SPICE1: variants seen among roughly 807,000 people sequenced by gnomAD.
SPICE1 encodes the protein spindle and centriole associated protein 1.
In SPICE1, 75 loss-of-function variants were observed where a neutral mutation model predicts 102.7. The observed-to-expected ratio is 0.73, with a 90% CI of 0.61 to 0.88. The LOEUF (loss-of-function observed/expected upper bound fraction) is 0.88, where lower values mean the gene tolerates loss of function less well. SPICE1 is among the 40% of genes least tolerant of loss of function. The probability of loss-of-function intolerance (pLI) is 0.00; values close to 1 mark genes in which losing one functional copy is unlikely to be tolerated. For synonymous variants in SPICE1, 308 were observed against 350.3 expected (o/e 0.88, Z 1.35); for missense variants, 979 against 1,020.1 (o/e 0.96, Z 0.55).
chr3:113,458,545 G>A (rs533337496), intron 12 of SPICE1, among the ~76,000 whole-genome samples: 16 of 152,292 alleles, frequency 1.1e-4, no homozygotes, highest in Non-Finnish European at 1.5e-4. Flanking sequence ...GTGCAGTGGC[G>A]TGATTTCGGC....
rs918503918 is a variant in SPICE1 at position 113,506,581 on chromosome 3, A to T, written c.25T>A (p.Cys9Ser). ...TTTCTTACACCAACTCGGGGACCAC[A>T]GCGGTTCACTCTGACAAATGACATC... MSFVRVNR[C>S]GPRVGVRKTP... is the part of the protein sequence containing the mutation. The change falls in exon 2 of 18, where the codon TGT becomes AGT. Residue 9 changes from cysteine (C) to serine (S), a missense_variant. Transcript: ENST00000295872. 4 of 1,613,416 alleles carry T rather than the reference A, an allele frequency of 2.5e-6. No homozygotes were observed. Among genetic ancestry groups the T allele is most frequent in the Non-Finnish European group, 3.4e-6 (4 of 1,179,812 alleles).
At chr3:113,459,029 T>C (rs1935858737) in intron 12 of SPICE1, among the ~76,000 whole-genome samples, 1 of 152,198 alleles carries the variant, frequency 6.6e-6, no homozygotes, top group Admixed American at 6.5e-5. Context: ...TGTGTCTGTG[T>C]AGAAAGAAGT....
intron 7 of SPICE1, among the ~76,000 whole-genome samples, chr3:113,480,833 C>A (rs550197432): frequency 1.3e-5 from 2 of 149,774 alleles, no homozygotes; most frequent in East Asian, 3.9e-4. Flanking sequence ...GCTGTGATCA[C>A]ACCACTGCAC....
chr3:113,467,490 C>G (rs1057348314), intron 10 of SPICE1, among the ~76,000 whole-genome samples: 9 of 152,152 alleles, frequency 5.9e-5, no homozygotes, highest in Non-Finnish European at 1.2e-4. Flanking sequence ...CAAGGTTTTA[C>G]CACGTTGAGG....
At chr3:113,513,063 T>C (rs766925754) in intron 1 of SPICE1, among the ~76,000 whole-genome samples, 4 of 152,140 alleles carry the variant, frequency 2.6e-5, no homozygotes, top group Non-Finnish European at 5.9e-5. Flanking sequence ...TATGAATGTA[T>C]GGACAAACAA....
intron 1 of SPICE1, among the ~76,000 whole-genome samples, chr3:113,513,724 T>C (rs951009777): frequency 6.6e-6 from 1 of 152,216 alleles, no homozygotes; most frequent in African/African-American, 2.4e-5. Context: ...CTCTTCTCCA[T>C]CTCTACTAAA....
intron 12 of SPICE1, chr3:113,459,763 T>A: frequency 4.0e-6 from 3 of 753,634 alleles, no homozygotes; most frequent in Non-Finnish European, 4.8e-6. Context: ...GCGCCTATAA[T>A]CCCAGCTACT....
intron 7 of SPICE1, among the ~76,000 whole-genome samples, chr3:113,483,226 G>C (rs1936555583): frequency 6.6e-6 from 1 of 152,136 alleles, no homozygotes; most frequent in Non-Finnish European, 1.5e-5. Flanking sequence ...TGGTGTATAA[G>C]AATGCTTGTG....
intron 13 of SPICE1, among the ~76,000 whole-genome samples, chr3:113,454,589 G>A (rs772456686): frequency 6.6e-5 from 10 of 152,016 alleles, no homozygotes; most frequent in Non-Finnish European, 1.2e-4. Context: ...GATGGTGCAC[G>A]GCTGTAATCC....
Position 113,448,039 on chromosome 3 carries a change from T to C in SPICE1, c.2425A>G (p.Arg809Gly). ...VSPVSGINTR[R>G]SSGATGNSCS... is the part of the protein sequence containing the mutation. ...ATAAATATTCACACTGCAACTTACC[T>C]TCTTGTATTTATCCCGCTGACGGGA... The change falls in exon 16 of 18, where the codon AGA becomes GGA. Residue 809 changes from arginine (R) to glycine (G), a missense_variant and splice_region_variant. Transcript: ENST00000295872. 6.3e-7 allele frequency: 1 copy of C among 1,597,868 alleles called. No individual in the cohort carries two copies. Among genetic ancestry groups the C allele is most frequent in the Non-Finnish European group, 8.5e-7 (1 of 1,174,696 alleles).
intron 7 of SPICE1, among the ~76,000 whole-genome samples, chr3:113,476,995 G>A (rs1409576056): frequency 6.6e-6 from 1 of 152,116 alleles, no homozygotes; most frequent in Non-Finnish European, 1.5e-5. Flanking sequence ...GAGTGAACAG[G>A]CAACCTACAA....
intron 2 of SPICE1, 60 bp from the exon 3 acceptor site, chr3:113,503,287 C>G (rs1268309910): frequency 6.9e-7 from 1 of 1,443,876 alleles, no homozygotes; most frequent in Admixed American, 2.8e-5. Flanking sequence ...AAAATATACA[C>G]ATTTATTGGA....
At chr3:113,514,091 GA>G (rs1553771529) in intron 1 of SPICE1, among the ~76,000 whole-genome samples, 3 of 152,222 alleles carry the variant, frequency 2.0e-5, no homozygotes, top group Non-Finnish European at 4.4e-5. Flanking sequence ...GCAGGGGAAA[GA>G]ATATTCCAGG....
intron 3 of SPICE1, among the ~76,000 whole-genome samples, chr3:113,500,189 G>GGGTTCACTAAGGTGGGTTCACTAA (rs1361244508): frequency 1.3e-5 from 2 of 152,128 alleles, no homozygotes; most frequent in Non-Finnish European, 2.9e-5. Context: ...AAGTGTTAGA[G>GGGTTCACTAAGGTGGGTTCACTAA]GGTTCACTAA....
chr3:113,514,057 C>T (rs1446746922), intron 1 of SPICE1, among the ~76,000 whole-genome samples: 2 of 152,150 alleles, frequency 1.3e-5, no homozygotes, highest in Non-Finnish European at 2.9e-5. Flanking sequence ...GCACTGAGAG[C>T]TAAAATACGA....
At position 113,444,002 on chromosome 3, in the gene SPICE1, G is replaced by C. The variant is rs1334531491; in HGVS notation, c.*1305C>G. 6.6e-6 allele frequency: 1 copy of C among 152,144 alleles called. No homozygotes were observed. The highest frequency in any genetic ancestry group is 2.4e-5 in the African/African-American group (1 of 41,414). The allele number at this position is 152,144 out of a possible 1,614,324, so 9.4% of individuals were successfully genotyped here. On this transcript the variant is annotated 3_prime_UTR_variant, in exon 18 of 18. Coordinates refer to ENST00000295872, the MANE Select transcript of SPICE1 (RefSeq NM_144718.4). ...GTAATTTGGAAAACTGTAAATTTCA[G>C]GTTGAGCAAGTTATTAGCAGCTTTC...
intron 1 of SPICE1, chr3:113,514,267 A>C (rs1262042107): frequency 5.7e-6 from 1 of 176,042 alleles, no homozygotes; most frequent in African/African-American, 2.4e-5. Context: ...GAATTTTAAA[A>C]GGGATAGTTA....
chr3:113,450,427 T>C lies in SPICE1; in HGVS notation c.2232A>G (p.Lys744=), dbSNP rs1462614842. The C allele has an allele frequency of 6.2e-7, 1 of 1,613,808 alleles. No homozygotes were observed. The highest frequency in any genetic ancestry group is 8.5e-7 in the Non-Finnish European group (1 of 1,179,986). Residue 744 remains lysine (K), a synonymous_variant, in exon 15 of 18, where the codon AAA becomes AAG. Transcript: ENST00000295872. ...TCTGCTGCTCTATCAACTGCAGTAG[T>C]TTTCCACGAGCCTCCATACTTTGTC... ...LNRQSMEARG[K]LLQLIEQQKL... is the part of the protein sequence containing the mutation.
intron 15 of SPICE1, 172 bp downstream of exon 15, chr3:113,450,164 A>G (rs1373540449): frequency 1.2e-5 from 8 of 646,528 alleles, no homozygotes; most frequent in Non-Finnish European, 1.9e-5. Context: ...TCTGCCTTCT[A>G]ATCCCATTTC....
Sources: allele counts gnomAD v4.1 joint callset (sites outside exome capture counted in the v4.1 genomes callset), GRCh38; gene constraint gnomAD v4.1.1; transcripts MANE v1.5; gene names NCBI Gene and HGNC (gene_info 2026-07-23, HGNC 2026-07-21).